CSMD1: variants seen among roughly 807,000 people sequenced by gnomAD.
The protein encoded by CSMD1 is CUB and Sushi multiple domains 1.
CSMD1 carries 213 observed loss-of-function variants against 417.5 expected under a neutral mutation model. That is an observed-to-expected ratio of 0.51 (90% CI 0.46 to 0.57). CSMD1 has a LOEUF of 0.57. CSMD1 is among the 20% of genes least tolerant of loss of function. The pLI is 0.00. For missense variants in CSMD1, 6,923 were observed against 4,529.7 expected, an observed-to-expected ratio of 1.53 and a Z score of -15.17; for synonymous variants, 2,862 against 1,736.8, an observed-to-expected ratio of 1.65 and a Z score of -16.11.
At chr8:3,602,661 G>A (rs752499275) in intron 8 of CSMD1, among the ~76,000 whole-genome samples, 6 of 151,484 alleles carry the variant, frequency 4.0e-5, no homozygotes, top group Admixed American at 1.3e-4. Context: ...TAATTCTAAT[G>A]TATGGAAGAA....
chr8:4,430,292 A>AC (rs1301985497), intron 2 of CSMD1, among the ~76,000 whole-genome samples: 32 of 152,152 alleles, frequency 2.1e-4, no homozygotes, highest in Non-Finnish European at 4.0e-4. Context: ...GTGCTGAAAA[A>AC]ATATTGCAGT....
At chr8:4,006,532 G>A (rs1397150519) in intron 4 of CSMD1, among the ~76,000 whole-genome samples, 2 of 152,154 alleles carry the variant, frequency 1.3e-5, no homozygotes, top group Non-Finnish European at 2.9e-5. Context: ...GACAGAGTGA[G>A]GCCTTGCCTC....
chr8:3,783,028 G>C lies in CSMD1; in HGVS notation c.819-28986C>G, dbSNP rs76694893. Among the ~76,000 whole-genome samples, 359 of 152,212 alleles carry C rather than the reference G, an allele frequency of 2.4e-3. 1 individual carries two copies. The highest frequency in any genetic ancestry group is 3.4e-3 in the Non-Finnish European group (229 of 68,010). On this transcript the variant is annotated intron_variant, in intron 5 of 69. Transcript: ENST00000635120. ...GTCCTATAGCACATCGCAAGCACGC[G>C]TTCATCTTCTGTACTGACACTTCCT...
chr8:4,147,435 C>T lies in CSMD1; in HGVS notation c.416-115336G>A, dbSNP rs937794667. On this transcript the variant is annotated intron_variant, in intron 3 of 69. Coordinates refer to ENST00000635120, the MANE Select transcript of CSMD1 (RefSeq NM_033225.6). Reference sequence around the variant, plus strand: ...TGTCTAGAATGGCTTTTCCACCTACCTTCTGGAAAGTCCCACGCCTCATTT... The same window carrying T: ...TGTCTAGAATGGCTTTTCCACCTACTTTCTGGAAAGTCCCACGCCTCATTT... 2.0e-5 allele frequency among the ~76,000 whole-genome samples: 3 copies of T among 152,206 alleles called. No homozygotes were observed. In the South Asian group the frequency reaches 6.2e-4, roughly 32 times the overall value.
At chr8:4,902,934 C>A (rs944632835) in intron 1 of CSMD1, among the ~76,000 whole-genome samples, 2 of 150,186 alleles carry the variant, frequency 1.3e-5, no homozygotes, top group East Asian at 1.9e-4. Flanking sequence ...TTATTTAGCA[C>A]ATTTCATTTT....
intron 1 of CSMD1, among the ~76,000 whole-genome samples, chr8:4,938,663 G>A (rs995165463): frequency 3.9e-5 from 6 of 152,104 alleles, no homozygotes; most frequent in African/African-American, 1.4e-4. Flanking sequence ...TTGAACTCCA[G>A]GATCAAGCCT....
At chr8:3,835,398 A>C (rs1802622581) in intron 5 of CSMD1, among the ~76,000 whole-genome samples, 1 of 147,524 alleles carries the variant, frequency 6.8e-6, no homozygotes, top group Admixed American at 6.6e-5. Context: ...ATAAAAAATG[A>C]TGAGTTCATG....
At chr8:4,072,916 G>A (rs944442075) in intron 3 of CSMD1, among the ~76,000 whole-genome samples, 2 of 152,086 alleles carry the variant, frequency 1.3e-5, no homozygotes, top group Non-Finnish European at 2.9e-5. Flanking sequence ...CACAACCTTG[G>A]ATATTACCAC....
chr8:3,301,256 G>A (rs189623132), intron 25 of CSMD1, among the ~76,000 whole-genome samples: 1 of 152,028 alleles, frequency 6.6e-6, no homozygotes, highest in Non-Finnish European at 1.5e-5. Context: ...TTTGCAGGGT[G>A]GTCAGTGGAA....
chr8:4,042,631 T>C (rs77790342), intron 3 of CSMD1, among the ~76,000 whole-genome samples: 12,830 of 151,630 alleles, frequency 0.085, 762 homozygotes, highest in Middle Eastern at 0.18. Flanking sequence ...TTATAAAATA[T>C]ATTTTATTTT....
chr8:4,746,358 G>A (rs1156369617), intron 1 of CSMD1, among the ~76,000 whole-genome samples: 3 of 152,156 alleles, frequency 2.0e-5, no homozygotes, highest in Admixed American at 2.0e-4. Flanking sequence ...AAGGGCTATG[G>A]TTTTAAGCGT....
intron 7 of CSMD1, among the ~76,000 whole-genome samples, chr8:3,631,178 C>G (rs1393735519): frequency 6.6e-6 from 1 of 152,188 alleles, no homozygotes; most frequent in Admixed American, 6.5e-5. Flanking sequence ...CGGCAGGACT[C>G]CTTCCCCTTC....
rs1812972589 is a variant in CSMD1, at chr8:3,414,020, T to C, written c.1562-4415A>G. ...CGGGAATGGTGGTGCACGCCTGGAA[T>C]CCCAACTACTGGGGAGGCTGAAGCA... On this transcript the variant is annotated intron_variant, in intron 12 of 69. Transcript: ENST00000635120. 2.0e-5 allele frequency among the ~76,000 whole-genome samples: 3 copies of C among 151,008 alleles called. No homozygotes were observed. The South Asian group carries it at 6.3e-4, about 32-fold the overall frequency.
At chr8:4,421,195 A>T (rs1165251161) in intron 2 of CSMD1, among the ~76,000 whole-genome samples, 1 of 152,220 alleles carries the variant, frequency 6.6e-6, no homozygotes, top group South Asian at 2.1e-4. Flanking sequence ...GTGTTAGCGA[A>T]CGCAATACAG....
At chr8:4,003,711 C>T (rs1225442782) in intron 4 of CSMD1, among the ~76,000 whole-genome samples, 1 of 152,114 alleles carries the variant, frequency 6.6e-6, no homozygotes, top group Admixed American at 6.5e-5. Flanking sequence ...TAACACAGTG[C>T]TTCAGGCGAT....
intron 1 of CSMD1, among the ~76,000 whole-genome samples, chr8:4,986,164 G>C (rs922771854): frequency 1.3e-5 from 2 of 152,154 alleles, no homozygotes; most frequent in East Asian, 1.9e-4. Flanking sequence ...TAAAAGTGAA[G>C]ATAGACTCTA....
intron 1 of CSMD1, among the ~76,000 whole-genome samples, chr8:4,852,883 C>G (rs1320730527): frequency 6.6e-6 from 1 of 151,984 alleles, no homozygotes; most frequent in South Asian, 2.1e-4. Context: ...GTTTTCAGGC[C>G]CTAGGAATCT....
intron 3 of CSMD1, among the ~76,000 whole-genome samples, chr8:4,279,922 G>A (rs563202984): frequency 1.8e-4 from 28 of 152,196 alleles, no homozygotes; most frequent in Admixed American, 7.8e-4. Context: ...TTTTTATTAA[G>A]CAAAGATACA....
chr8:3,336,808 C>G (rs118049896), intron 23 of CSMD1, among the ~76,000 whole-genome samples: 1 of 152,284 alleles, frequency 6.6e-6, no homozygotes, highest in East Asian at 1.9e-4. Context: ...GCTTCCAGGA[C>G]AGGCACAGCT....
Sources: gnomAD v4.1 joint callset for allele counts (sites outside exome capture counted in the v4.1 genomes callset) on GRCh38, gnomAD v4.1.1 for gene constraint, MANE v1.5 for transcripts, NCBI Gene and HGNC (gene_info 2026-07-23, HGNC 2026-07-21) for gene names.